DLG2: variants seen among roughly 807,000 people sequenced by gnomAD.
DLG2 encodes discs large MAGUK scaffold protein 2.
DLG2 carries 45 observed loss-of-function variants against 132.5 expected under a neutral mutation model. The observed-to-expected ratio is 0.34, with a 90% confidence interval of 0.27 to 0.44. The LOEUF is 0.44. Ranked by LOEUF, DLG2 falls within the 20% of genes least tolerant of loss-of-function variation. The pLI, the probability that DLG2 is intolerant of heterozygous loss-of-function variation, is 1.00. For missense variants in DLG2, 1,045 were observed against 1,196.9 expected, an observed-to-expected ratio of 0.87 and a Z score of 1.87; for synonymous variants, 424 against 419.6, an observed-to-expected ratio of 1.01 and a Z score of -0.13.
chr11:85,412,758 C>CAT (rs1365637440), intron 3 of DLG2, among the ~76,000 whole-genome samples: 8 of 117,428 alleles, frequency 6.8e-5, no homozygotes, highest in African/African-American at 1.8e-4. Flanking sequence ...CACACACACA[C>CAT]ACATATATAT....
chr11:85,223,656 G>GC (rs1035949177), intron 4 of DLG2, among the ~76,000 whole-genome samples: 2 of 151,902 alleles, frequency 1.3e-5, no homozygotes, highest in Non-Finnish European at 2.9e-5. Flanking sequence ...TGTTGTTTTT[G>GC]TTTTTTTAAA....
chr11:84,471,832 TGCTGTTACCAA>T (rs1481271835), intron 7 of DLG2, among the ~76,000 whole-genome samples: 4 of 152,034 alleles, frequency 2.6e-5, no homozygotes, highest in East Asian at 3.9e-4. Flanking sequence ...GCTTTGAATC[TGCTGTTACCAA>T]GCTACTGGTG....
At chr11:85,340,245 C>T (rs1260605911) in intron 3 of DLG2, among the ~76,000 whole-genome samples, 1 of 152,132 alleles carries the variant, frequency 6.6e-6, no homozygotes, top group African/African-American at 2.4e-5. Context: ...AACCCAAATG[C>T]CCATCAATGA....
In DLG2 at chr11:83,891,939, A is replaced by C. The variant is rs192230578; in HGVS notation, c.1497-17451T>G. On this transcript the variant is annotated intron_variant, in intron 15 of 27. Transcript: ENST00000376104. ...TGAAAGAGGAGATGTTTCACTTGAC[A>C]TCTGCAATCTGAATCTTCCTTACAA... Among the ~76,000 whole-genome samples, 178 of 152,320 alleles carry C rather than the reference A, an allele frequency of 1.2e-3. 1 individual carries two copies. The South Asian group carries it at 0.032, about 27-fold the overall frequency.
At chr11:84,509,008 T>C (rs2099250005) in intron 7 of DLG2, among the ~76,000 whole-genome samples, 10 of 152,206 alleles carry the variant, frequency 6.6e-5, no homozygotes, top group Admixed American at 6.5e-4. Flanking sequence ...TTTAAATACA[T>C]AGCTGAGCGC....
intron 3 of DLG2, among the ~76,000 whole-genome samples, chr11:85,537,687 A>G (rs899658387): frequency 1.3e-5 from 2 of 150,538 alleles, no homozygotes; most frequent in Admixed American, 6.6e-5. Flanking sequence ...GCCGCCTTTA[A>G]GAGCTGTAAC....
intron 6 of DLG2, among the ~76,000 whole-genome samples, chr11:84,950,253 T>G (rs1032426778): frequency 6.6e-6 from 1 of 152,202 alleles, no homozygotes; most frequent in African/African-American, 2.4e-5. Flanking sequence ...GCTTTTTCAA[T>G]GTTCTAACAA....
At chr11:85,083,026 C>T (rs923302653) in intron 6 of DLG2, among the ~76,000 whole-genome samples, 1 of 152,058 alleles carries the variant, frequency 6.6e-6, no homozygotes, top group African/African-American at 2.4e-5. Context: ...GGCCCAGACT[C>T]AAGACCAAGA....
intron 6 of DLG2, among the ~76,000 whole-genome samples, chr11:84,870,570 C>T (rs2085318802): frequency 6.6e-6 from 1 of 152,192 alleles, no homozygotes; most frequent in African/African-American, 2.4e-5. Flanking sequence ...CTGAATCACT[C>T]TCCAAGTAAC....
At chr11:84,047,102 A>T (rs1006267652) in intron 11 of DLG2, among the ~76,000 whole-genome samples, 4 of 151,648 alleles carry the variant, frequency 2.6e-5, no homozygotes, top group African/African-American at 9.7e-5. Context: ...AGTCAGTATC[A>T]GTCAGCAGAG....
intron 7 of DLG2, among the ~76,000 whole-genome samples, chr11:84,280,683 TA>T (rs1423024775): frequency 8.1e-6 from 1 of 122,872 alleles, no homozygotes; most frequent in Non-Finnish European, 1.8e-5. Context: ...CATACATCTA[TA>T]AATAACTGTT....
rs66861805 is a variant in DLG2 at position 83,930,565 on chromosome 11, G to A, written c.1341-82C>T. 0.11 allele frequency: 152,091 copies of A among 1,361,938 alleles called. 18,673 individuals carry two copies. Among genetic ancestry groups the A allele is most frequent in the African/African-American group, 0.61 (41,368 of 68,062 alleles). The allele number at this position is 1,361,938 out of a possible 1,614,324, so 84.4% of individuals were successfully genotyped here. On this transcript the variant is annotated intron_variant, in intron 14 of 27. Transcript: ENST00000376104. ...TGTGCAACCAGTAGCATCTCAGCAT[G>A]TGCAAAAGTAAAAACAATGCCATTT...
At chr11:84,260,240 A>C (rs1373729579) in intron 7 of DLG2, among the ~76,000 whole-genome samples, 1 of 152,188 alleles carries the variant, frequency 6.6e-6, no homozygotes, top group Non-Finnish European at 1.5e-5. Context: ...ATTAGCTCAA[A>C]TCTCAAATGT....
At chr11:84,880,493 T>C (rs1294619334) in intron 6 of DLG2, among the ~76,000 whole-genome samples, 7 of 152,156 alleles carry the variant, frequency 4.6e-5, no homozygotes, top group Admixed American at 4.6e-4. Flanking sequence ...TTTTGAAAGG[T>C]ATATTTTTCA....
At chr11:84,855,871 T>C (rs768350915) in intron 6 of DLG2, among the ~76,000 whole-genome samples, 1 of 152,014 alleles carries the variant, frequency 6.6e-6, no homozygotes, top group Non-Finnish European at 1.5e-5. Flanking sequence ...CCTTTATTTG[T>C]CATAATGGGA....
intron 19 of DLG2, among the ~76,000 whole-genome samples, chr11:83,546,234 G>A (rs1465670): frequency 1.3e-5 from 2 of 151,904 alleles, no homozygotes; most frequent in Non-Finnish European, 2.9e-5. Flanking sequence ...TTTAGGTGTC[G>A]CACAATGTAG....
At chr11:84,448,820 G>A (rs888110565) in intron 7 of DLG2, among the ~76,000 whole-genome samples, 5 of 151,858 alleles carry the variant, frequency 3.3e-5, no homozygotes, top group East Asian at 1.9e-4. Flanking sequence ...ATTTATTTTC[G>A]TATCCTCGGA....
At chr11:83,830,975 C>T (rs191795513) in intron 17 of DLG2, among the ~76,000 whole-genome samples, 15 of 152,158 alleles carry the variant, frequency 9.9e-5, no homozygotes, top group South Asian at 2.1e-4. Flanking sequence ...GATGAAGATA[C>T]GTTAGTATGC....
chr11:85,072,412 C>T (rs191308365), intron 6 of DLG2, among the ~76,000 whole-genome samples: 1 of 151,792 alleles, frequency 6.6e-6, no homozygotes, highest in Non-Finnish European at 1.5e-5. Flanking sequence ...GATTAGAACC[C>T]AGGGATATAA....
Sources: gnomAD v4.1 joint callset for allele counts (sites outside exome capture counted in the v4.1 genomes callset) on GRCh38, gnomAD v4.1.1 for gene constraint, MANE v1.5 for transcripts, NCBI Gene and HGNC (gene_info 2026-07-23, HGNC 2026-07-21) for gene names.